ZFAT: variants seen among roughly 807,000 people sequenced by gnomAD.
ZFAT encodes the protein zinc finger and AT-hook domain containing.
In ZFAT, 64 loss-of-function variants were observed where a neutral mutation model predicts 117.7. That is an observed-to-expected ratio of 0.54 (90% CI 0.44 to 0.67). ZFAT has a LOEUF of 0.67. Ranked by LOEUF, ZFAT falls within the 30% of genes least tolerant of loss-of-function variation. ZFAT has a pLI of 0.00. For synonymous variants in ZFAT, 679 were observed against 615.0 expected (o/e 1.10, Z -1.54); for missense variants, 1,433 against 1,584.5 (o/e 0.90, Z 1.62).
intron 15 of ZFAT, among the ~76,000 whole-genome samples, chr8:134,505,450 C>T (rs1819331666): frequency 2.6e-5 from 4 of 152,158 alleles, no homozygotes. Context: ...AATATGTTGC[C>T]TTATATAGCA....
At chr8:134,534,531 C>A (rs1388384474) in intron 11 of ZFAT, among the ~76,000 whole-genome samples, 9 of 151,044 alleles carry the variant, frequency 6.0e-5, no homozygotes, top group Non-Finnish European at 1.0e-4. Flanking sequence ...ATGAAGTAGC[C>A]CCATAGAGGC....
Position 134,610,613 on chromosome 8 carries a change from T to A in ZFAT, c.491A>T (p.Asp164Val). 6.2e-7 allele frequency: 1 copy of A among 1,614,220 alleles called. No individual in the cohort carries two copies. Among genetic ancestry groups the A allele is most frequent in the Non-Finnish European group, 8.5e-7 (1 of 1,180,042 alleles). The change falls in exon 4 of 16, where the codon GAT (aspartate) becomes GTT (valine). Residue 164 changes from aspartate to valine, a missense_variant. Transcript: ENST00000377838. Reference protein sequence around the residue: ...DLELEKKCKEDDREKASKRPR... With the variant: ...DLELEKKCKEVDREKASKRPR... ...TCTTTTCGAGGCTTTTTCCCGATCA[T>A]CTTCCTTACACTTCTTTTCTAGTTC...
the ZFAT span, chr8:134,723,326 A>T: frequency 1.3e-5 from 2 of 152,392 alleles, no homozygotes; most frequent in African/African-American, 4.8e-5. Context: ...CGGGAGGCAG[A>T]GGGCATCCTC....
intron 10 of ZFAT, among the ~76,000 whole-genome samples, chr8:134,578,060 G>A (rs1353955802): frequency 1.2e-4 from 19 of 152,084 alleles, no homozygotes; most frequent in Non-Finnish European, 2.1e-4. Context: ...CACTCCAGGA[G>A]GAGGGAAGGG....
chr8:134,592,290 G>A (rs902944171), intron 7 of ZFAT, among the ~76,000 whole-genome samples: 1 of 152,170 alleles, frequency 6.6e-6, no homozygotes, highest in Non-Finnish European at 1.5e-5. Context: ...CACTTCTTAA[G>A]AACTCACTGG....
chr8:134,576,555 C>G (rs1825312076), intron 10 of ZFAT, among the ~76,000 whole-genome samples: 1 of 152,228 alleles, frequency 6.6e-6, no homozygotes, highest in Non-Finnish European at 1.5e-5. Flanking sequence ...CTTGTAAGAT[C>G]AATCCAGCTA....
the ZFAT span, among the ~76,000 whole-genome samples, chr8:134,808,259 T>C: frequency 6.6e-6 from 1 of 151,938 alleles, no homozygotes; most frequent in Non-Finnish European, 1.5e-5. Flanking sequence ...AGCCAAGGAG[T>C]CCAAGGAGGG....
In ZFAT at chr8:134,654,300, C is replaced by CA. The variant is rs543431999; in HGVS notation, c.196+3260dup. ...GTGACAAGAGCAAACTTGTCAAAGT[C>CA]AAAAAAAAAAATTACTCTTATAATT... On this transcript the variant is annotated intron_variant, in intron 2 of 15. Transcript: ENST00000377838. Among the ~76,000 whole-genome samples the CA allele has an allele frequency of 1.1e-3, 153 of 140,232 alleles. 1 individual carries two copies. The highest frequency in any genetic ancestry group is 3.2e-3 in the African/African-American group (123 of 38,420). 92.0% of individuals were successfully genotyped at this position (140,232 alleles called of 152,430 possible).
At chr8:134,717,968 T>C (rs1814230595), upstream of ZFAT, among the ~76,000 whole-genome samples, 1 of 152,222 alleles carries the variant, frequency 6.6e-6, no homozygotes, top group South Asian at 2.1e-4. Context: ...GTGTTGGGAT[T>C]ACAGGCATGA....
chr8:134,591,853 C>T (rs1010197541), intron 7 of ZFAT, among the ~76,000 whole-genome samples: 3 of 152,158 alleles, frequency 2.0e-5, no homozygotes, highest in East Asian at 1.9e-4. Context: ...CAGGAGGAAG[C>T]GGCCCTGCCA....
intron 11 of ZFAT, 109 bp downstream of exon 11, chr8:134,565,224 A>G: frequency 6.4e-7 from 1 of 1,561,320 alleles, no homozygotes; most frequent in Non-Finnish European, 8.6e-7. Flanking sequence ...GGGGCCCCAA[A>G]GCGAAGGTAA....
At chr8:134,662,546 G>T (rs1831984397) in intron 1 of ZFAT, among the ~76,000 whole-genome samples, 1 of 152,156 alleles carries the variant, frequency 6.6e-6, no homozygotes, top group Admixed American at 6.5e-5. Flanking sequence ...GATCAAGGCA[G>T]GGATATTCAG....
intron 1 of ZFAT, among the ~76,000 whole-genome samples, chr8:134,679,715 A>T (rs1482536592): frequency 6.6e-6 from 1 of 152,230 alleles, no homozygotes. Flanking sequence ...AGACTGGATA[A>T]AGAAAATGTG....
At chr8:134,530,271 T>C (rs1821313037) in intron 12 of ZFAT, among the ~76,000 whole-genome samples, 2 of 152,232 alleles carry the variant, frequency 1.3e-5, no homozygotes, top group Admixed American at 1.3e-4. Context: ...CTCATGAAGA[T>C]ATTTTTGGGG....
At chr8:134,770,460 C>A in the ZFAT span, among the ~76,000 whole-genome samples, 10 of 152,156 alleles carry the variant, frequency 6.6e-5, no homozygotes, top group African/African-American at 2.4e-4. Context: ...TTAATCAATA[C>A]CTTTGTGATT....
chr8:134,708,671 G>A (rs958079226), intron 1 of ZFAT, among the ~76,000 whole-genome samples: 10 of 151,914 alleles, frequency 6.6e-5, no homozygotes, highest in Non-Finnish European at 1.3e-4. Context: ...AAAATTACTC[G>A]GCCAGGCACA....
the ZFAT span, among the ~76,000 whole-genome samples, chr8:134,778,595 A>C: frequency 6.6e-6 from 1 of 152,200 alleles, no homozygotes; most frequent in Non-Finnish European, 1.5e-5. Context: ...CATGTTCCAA[A>C]AAGAACACTA....
At chr8:134,697,531 T>C (rs926049318) in intron 1 of ZFAT, among the ~76,000 whole-genome samples, 2 of 148,688 alleles carry the variant, frequency 1.3e-5, no homozygotes, top group Non-Finnish European at 3.0e-5. Flanking sequence ...ATCCAGACCA[T>C]CCTGGCTAAC....
the ZFAT span, among the ~76,000 whole-genome samples, chr8:134,805,985 T>A: frequency 5.9e-5 from 9 of 151,550 alleles, no homozygotes; most frequent in African/African-American, 2.2e-4. Context: ...TCAAAAAAAA[T>A]AAAAATAAAA....
Sources: gnomAD v4.1 joint callset for allele counts (sites outside exome capture counted in the v4.1 genomes callset) on GRCh38, gnomAD v4.1.1 for gene constraint, MANE v1.5 for transcripts, NCBI Gene and HGNC (gene_info 2026-07-23, HGNC 2026-07-21) for gene names.